TRPC4AP: variants seen among roughly 807,000 people sequenced by gnomAD.
TRPC4AP encodes the protein short transient receptor potential channel 4-associated protein.
In TRPC4AP, 45 loss-of-function variants were observed where a neutral mutation model predicts 99.0. The observed-to-expected ratio is 0.45, with a 90% CI of 0.36 to 0.58. The LOEUF (loss-of-function observed/expected upper bound fraction) is 0.58. Among genes scored for constraint, TRPC4AP ranks in the 20% least tolerant of loss-of-function variants. TRPC4AP has a pLI of 0.00. For synonymous variants in TRPC4AP, 408 were observed against 385.8 expected (o/e 1.06, Z -0.67); for missense variants, 879 against 985.3 (o/e 0.89, Z 1.44).
At position 35,006,534 on chromosome 20, in the gene TRPC4AP, C is replaced by T. The variant is rs2082521624; in HGVS notation, c.1728G>A (p.Arg576=). 2.5e-6 allele frequency: 4 copies of T among 1,614,082 alleles called. No homozygotes were observed. The South Asian group carries it at 4.4e-5, about 18-fold the overall frequency. ...GGTCAAAGTAACTCTGGAGCACATC[C>T]CTTGACTTACACTCGCTGTCCACAA... is the stretch of plus-strand genomic sequence containing the variant. ...YCIVDSECKS[R]DVLQSYFDLL... The change falls in exon 15 of 19, where the codon AGG becomes AGA. Residue 576 remains arginine, a synonymous_variant. Transcript: ENST00000252015.
intron 8 of TRPC4AP, among the ~76,000 whole-genome samples, chr20:35,027,804 A>AGTATT (rs1405731114): frequency 6.6e-6 from 1 of 152,182 alleles, no homozygotes; most frequent in Non-Finnish European, 1.5e-5. Flanking sequence ...TATTGTTTAT[A>AGTATT]GTATTCCCTT....
chr20:35,086,804 G>T (rs2084896114), intron 1 of TRPC4AP, among the ~76,000 whole-genome samples: 1 of 151,966 alleles, frequency 6.6e-6, no homozygotes, highest in Admixed American at 6.6e-5. Context: ...GGAGGCTGAG[G>T]TGGGTGGATC....
chr20:35,034,976 T>A, intron 8 of TRPC4AP, 147 bp downstream of exon 8: 1 of 786,048 alleles, frequency 1.3e-6, no homozygotes. Flanking sequence ...GTCAAAAGAG[T>A]CTTAATAGTC....
Position 35,037,074 on chromosome 20 carries a change from C to T in TRPC4AP, c.866-1766G>A, listed in dbSNP as rs148213045. On this transcript the variant is annotated intron_variant, in intron 7 of 18. Coordinates refer to ENST00000252015, the MANE Select transcript of TRPC4AP (RefSeq NM_015638.3). ...GGTTCCTCAAAAAGTTGGCCAGGCA[C>T]GGTGGCTCACGCCTGTAATCCCAGC... Among the ~76,000 whole-genome samples, 634 of 152,176 alleles carry T rather than the reference C, an allele frequency of 4.2e-3. 3 individuals are homozygous for T. Among genetic ancestry groups the T allele is most frequent in the African/African-American group, 0.015 (607 of 41,522 alleles).
At chr20:35,013,192 T>C (rs1376910972) in intron 10 of TRPC4AP, 126 bp from the exon 11 acceptor site, 6 of 818,002 alleles carry the variant, frequency 7.3e-6, no homozygotes, top group South Asian at 1.6e-5. Flanking sequence ...AGGACTTTTC[T>C]TTAGTTAGAA....
At chr20:35,055,092 C>T (rs998099862) in intron 4 of TRPC4AP, 61 bp from the exon 5 acceptor site, 4 of 1,469,286 alleles carry the variant, frequency 2.7e-6, no homozygotes, top group African/African-American at 2.8e-5. Context: ...ACAACAGTTA[C>T]CACATTTTTT....
intron 8 of TRPC4AP, among the ~76,000 whole-genome samples, chr20:35,021,822 T>C (rs1180858514): frequency 6.6e-6 from 1 of 152,346 alleles, no homozygotes; most frequent in East Asian, 1.9e-4. Context: ...ATTCCCCGTT[T>C]TTTAAAAGAA....
intron 9 of TRPC4AP, among the ~76,000 whole-genome samples, chr20:35,018,611 A>G (rs1383494153): frequency 6.6e-6 from 1 of 150,854 alleles, no homozygotes; most frequent in Non-Finnish European, 1.5e-5. Flanking sequence ...AAAGAAAAAA[A>G]AAAAAAAAAA....
chr20:35,054,348 AC>A (rs2083776254), intron 5 of TRPC4AP, among the ~76,000 whole-genome samples: 1 of 152,242 alleles, frequency 6.6e-6, no homozygotes, highest in Admixed American at 6.5e-5. Context: ...ATATTGTTTT[AC>A]AAAGTGTTTT....
At chr20:35,039,216 A>T (rs955134893) in intron 7 of TRPC4AP, among the ~76,000 whole-genome samples, 18 of 152,322 alleles carry the variant, frequency 1.2e-4, no homozygotes, top group African/African-American at 4.3e-4. Context: ...TCCTCTCAGG[A>T]CAGCATGTAG....
chr20:35,077,339 C>T (rs1358217117), intron 2 of TRPC4AP, among the ~76,000 whole-genome samples: 1 of 152,192 alleles, frequency 6.6e-6, no homozygotes, highest in Non-Finnish European at 1.5e-5. Context: ...TCTTAGGCAT[C>T]GCTCATGCTG....
At chr20:35,059,723 A>T (rs2145967598) in intron 3 of TRPC4AP, among the ~76,000 whole-genome samples, 1 of 151,956 alleles carries the variant, frequency 6.6e-6, no homozygotes, top group African/African-American at 2.4e-5. Context: ...GAAGAAGAAG[A>T]AGAGGAAGAA....
At position 35,069,302 on chromosome 20, in the gene TRPC4AP, A is replaced by C. The variant is rs2084242092; in HGVS notation, c.408T>G (p.Gly136=). 1 of 1,575,300 alleles carries C rather than the reference A, an allele frequency of 6.3e-7. No individual in the cohort carries two copies. Among genetic ancestry groups the C allele is most frequent in the African/African-American group, 1.4e-5 (1 of 73,858 alleles). ...ATAATAAATAGCTACTTACATCAACACCTCCAAACAAGTCAAAAATGTAAG... is the reference window on the plus strand; with the variant it reads ...ATAATAAATAGCTACTTACATCAACCCCTCCAAACAAGTCAAAAATGTAAG... ...PNTYIFDLFG[G]VDLLVEILMR... is the part of the protein sequence containing the mutation. Residue 136 remains glycine (G), a synonymous_variant, in exon 3 of 19, where the codon GGT becomes GGG. Transcript: ENST00000252015.
At chr20:35,011,617 CTGTGACTGTGACCCACAACACCCTG>C in intron 11 of TRPC4AP, among the ~76,000 whole-genome samples, 1 of 63,266 alleles carries the variant, frequency 1.6e-5, no homozygotes, top group Admixed American at 3.1e-4. Context: ...AAATCCAGGC[CTGTGACTGTGACCCACAACACCCTG>C]TGACTGTGAC....
chr20:35,037,302 G>A (rs1172088977), intron 7 of TRPC4AP, among the ~76,000 whole-genome samples: 4 of 142,734 alleles, frequency 2.8e-5, no homozygotes, highest in East Asian at 4.1e-4. Context: ...AGCGGAGATC[G>A]CGCCACTGCA....
In TRPC4AP at chr20:35,078,078, T is replaced by C. The variant is rs1052749284; in HGVS notation, c.265A>G (p.Ser89Gly). 4 of 1,613,826 alleles carry C rather than the reference T, an allele frequency of 2.5e-6. No homozygotes were observed. Among genetic ancestry groups the C allele is most frequent in the Admixed American group, 1.7e-5 (1 of 60,006 alleles). The part of the protein sequence containing the change: ...LKLHTTSHLH[S>G]DFVECQNILK... ...ATGTTTTGACACTCAACAAAGTCAC[T>C]GTGGAGGTGGCTGGTGGTGTGCAGC... Residue 89 changes from serine to glycine, a missense_variant, in exon 2 of 19, where the codon AGT (serine) becomes GGT (glycine). This residue lies in a region of TRPC4AP where 603 missense variants were observed against 631.8 expected (regional missense o/e 0.95). Transcript: ENST00000252015.
chr20:35,006,283 C>G, intron 15 of TRPC4AP, 152 bp downstream of exon 15: 1 of 875,626 alleles, frequency 1.1e-6, no homozygotes, highest in Non-Finnish European at 1.7e-6. Context: ...CAAAGCCAGA[C>G]AGAGCAGGTT....
intron 9 of TRPC4AP, 30 bp downstream of exon 9, chr20:35,021,160 C>T (rs376756701): frequency 7.5e-5 from 120 of 1,599,590 alleles, no homozygotes; most frequent in Non-Finnish European, 9.2e-5. Context: ...ACCTGCTCCC[C>T]GTGTCCTGAG....
intron 9 of TRPC4AP, among the ~76,000 whole-genome samples, chr20:35,018,899 C>T (rs535384580): frequency 2.6e-5 from 4 of 152,136 alleles, no homozygotes; most frequent in Admixed American, 6.5e-5. Context: ...ATAGAAAAGG[C>T]GATGGGGGAC....
Sources: gnomAD v4.1 joint callset for allele counts (sites outside exome capture counted in the v4.1 genomes callset) on GRCh38, gnomAD v4.1.1 for gene constraint, gnomAD v4.1.1 regional missense constraint, MANE v1.5 for transcripts, NCBI Gene and HGNC (gene_info 2026-07-23, HGNC 2026-07-21) for gene names.